The following GRM5 variants were observed in gnomAD, a reference collection of about 807,000 sequenced individuals.
GRM5 encodes metabotropic glutamate receptor 5.
GRM5 carries 19 observed loss-of-function variants against 83.1 expected under a neutral mutation model. The ratio of observed to expected loss-of-function variants is 0.23; its 90% confidence interval spans 0.16 to 0.34. GRM5 has a LOEUF of 0.34. Ranked by LOEUF, GRM5 falls within the 10% of genes least tolerant of loss-of-function variation. GRM5 has a pLI of 1.00. For synonymous variants in GRM5, 675 were observed against 633.6 expected (o/e 1.07, Z -0.98); for missense variants, 1,160 against 1,588.3 (o/e 0.73, Z 4.58).
intron 3 of GRM5, among the ~76,000 whole-genome samples, chr11:88,761,955 T>C (rs746256220): frequency 2.0e-4 from 30 of 152,132 alleles, no homozygotes; most frequent in Non-Finnish European, 3.8e-4. Context: ...AAGGACCCTC[T>C]ATTCAATGAA....
chr11:88,921,731 C>T (rs1945696788), intron 2 of GRM5, among the ~76,000 whole-genome samples: 1 of 151,978 alleles, frequency 6.6e-6, no homozygotes, highest in Non-Finnish European at 1.5e-5. Context: ...TACTGTTATT[C>T]AGCATAATTC....
At chr11:88,661,379 C>A (rs373460924) in intron 3 of GRM5, among the ~76,000 whole-genome samples, 6 of 152,000 alleles carry the variant, frequency 3.9e-5, no homozygotes, top group East Asian at 3.9e-4. Flanking sequence ...TGAGTTGATT[C>A]CCCCGTGCAG....
chr11:88,759,821 C>T (rs1330550732), intron 3 of GRM5, among the ~76,000 whole-genome samples: 4 of 152,034 alleles, frequency 2.6e-5, no homozygotes, highest in African/African-American at 9.7e-5. Context: ...ACCACATAAT[C>T]AGACATAAAA....
intron 2 of GRM5, among the ~76,000 whole-genome samples, chr11:88,918,100 T>C (rs1000313567): frequency 2.0e-5 from 3 of 150,656 alleles, no homozygotes; most frequent in Non-Finnish European, 4.4e-5. Flanking sequence ...AGAAACAACA[T>C]ACAAAGGAGC....
intron 3 of GRM5, among the ~76,000 whole-genome samples, chr11:88,845,528 G>C (rs1040059884): frequency 6.9e-6 from 1 of 143,902 alleles, no homozygotes; most frequent in East Asian, 2.2e-4. Flanking sequence ...CTGCCTCCCG[G>C]GTTTGCGCCA....
At chr11:88,640,060 C>T (rs1415484618) in intron 4 of GRM5, among the ~76,000 whole-genome samples, 5 of 152,102 alleles carry the variant, frequency 3.3e-5, no homozygotes, top group African/African-American at 1.2e-4. Flanking sequence ...TTTGATATAG[C>T]TTTATGTTCT....
chr11:88,701,648 T>C (rs576518842), intron 3 of GRM5, among the ~76,000 whole-genome samples: 1 of 152,270 alleles, frequency 6.6e-6, no homozygotes. Context: ...GAAGTAGAAG[T>C]TACAGACAAA....
At chr11:88,964,471 G>C (rs1278622188) in intron 2 of GRM5, among the ~76,000 whole-genome samples, 1 of 151,862 alleles carries the variant, frequency 6.6e-6, no homozygotes, top group African/African-American at 2.4e-5. Flanking sequence ...TTTTTAAAAA[G>C]CCAGGCAAAC....
chr11:88,577,515 G>A (rs952759363), intron 7 of GRM5, among the ~76,000 whole-genome samples: 4 of 152,096 alleles, frequency 2.6e-5, no homozygotes, highest in Non-Finnish European at 5.9e-5. Context: ...GTAATTGTTT[G>A]TTCCTTTAAA....
At chr11:88,905,255 G>A (rs1419992144) in intron 2 of GRM5, among the ~76,000 whole-genome samples, 4 of 152,164 alleles carry the variant, frequency 2.6e-5, no homozygotes, top group Admixed American at 1.3e-4. Context: ...ATGAGGGGTC[G>A]GAAAGCAGGA....
intron 3 of GRM5, among the ~76,000 whole-genome samples, chr11:88,776,265 C>T (rs368257380): frequency 3.0e-4 from 45 of 152,090 alleles, no homozygotes; most frequent in African/African-American, 9.6e-4. Context: ...ATTGCAACCC[C>T]TGTTTTTTTT....
At chr11:88,774,303 T>C (rs1445546275) in intron 3 of GRM5, among the ~76,000 whole-genome samples, 1 of 152,216 alleles carries the variant, frequency 6.6e-6, no homozygotes, top group African/African-American at 2.4e-5. Flanking sequence ...TGATTTTGTA[T>C]CCTGAGACTT....
chr11:88,925,163 A>T (rs1452991569), intron 2 of GRM5, among the ~76,000 whole-genome samples: 1 of 152,116 alleles, frequency 6.6e-6, no homozygotes, highest in Non-Finnish European at 1.5e-5. Context: ...GGATTTAATT[A>T]GCTCAACAGT....
At chr11:88,808,113 C>T (rs576732920) in intron 3 of GRM5, among the ~76,000 whole-genome samples, 21 of 151,926 alleles carry the variant, frequency 1.4e-4, no homozygotes, top group African/African-American at 4.8e-4. Flanking sequence ...ATATATATTA[C>T]ATACTGGCAA....
Position 88,637,018 on chromosome 11 carries a change from T to C in GRM5, c.1147+16150A>G, listed in dbSNP as rs992145833. ...CCAGCCTTGTTCTTTTGGCTTAGGA[T>C]TGACTTGGCAATGCGGGCTCTTTTT... On this transcript the variant is annotated intron_variant, in intron 4 of 9. Transcript: ENST00000305447. 4.6e-5 allele frequency among the ~76,000 whole-genome samples: 7 copies of C among 152,320 alleles called. 1 individual carries two copies. Among genetic ancestry groups the C allele is most frequent in the Middle Eastern group, 3.4e-3 (1 of 294 alleles).
At chr11:88,655,727 TATG>T (rs147704156) in intron 3 of GRM5, among the ~76,000 whole-genome samples, 3,077 of 151,682 alleles carry the variant, frequency 0.02, 80 homozygotes, top group East Asian at 0.12. Context: ...CTTAGAAAAC[TATG>T]ATGTTTTATT....
At chr11:88,990,218 A>G (rs1939916189) in intron 2 of GRM5, among the ~76,000 whole-genome samples, 1 of 151,868 alleles carries the variant, frequency 6.6e-6, no homozygotes, top group Non-Finnish European at 1.5e-5. Context: ...CTACCATCAG[A>G]GAATACTACA....
chr11:88,688,969 C>T (rs1240412352), intron 3 of GRM5, among the ~76,000 whole-genome samples: 1 of 151,968 alleles, frequency 6.6e-6, no homozygotes, highest in Non-Finnish European at 1.5e-5. Context: ...ATACTAAAAG[C>T]ACCCATATAA....
chr11:88,593,996 A>G (rs1319841030), intron 6 of GRM5, among the ~76,000 whole-genome samples: 1 of 151,852 alleles, frequency 6.6e-6, no homozygotes, highest in Non-Finnish European at 1.5e-5. Flanking sequence ...GGGTTTTACC[A>G]TGTTAGCCAG....
Sources: gnomAD v4.1 joint callset for allele counts (sites outside exome capture counted in the v4.1 genomes callset) on GRCh38, gnomAD v4.1.1 for gene constraint, MANE v1.5 for transcripts, NCBI Gene and HGNC (gene_info 2026-07-23, HGNC 2026-07-21) for gene names.